Variants in KLC3 observed in about 807,000 individuals in gnomAD.
The protein encoded by KLC3 is kinesin light chain 2.
A neutral mutation model predicts 62.9 loss-of-function variants in KLC3; 72 were observed. The observed-to-expected ratio is 1.15, with a 90% CI of 0.95 to 1.39. The LOEUF is 1.39. KLC3 is among the 40% of genes most tolerant of loss of function. The pLI, the probability that KLC3 is intolerant of heterozygous loss-of-function variation, is 0.00. For synonymous variants in KLC3, 377 were observed against 300.5 expected (o/e 1.25, Z -2.63); for missense variants, 848 against 691.6 (o/e 1.23, Z -2.54).
At chr19:45,342,678 A>G (rs1265508176) in intron 1 of KLC3, among the ~76,000 whole-genome samples, 1 of 152,100 alleles carries the variant, frequency 6.6e-6, no homozygotes, top group Non-Finnish European at 1.5e-5. Flanking sequence ...AGGGAGGAGA[A>G]TCGCTTGAAC....
rs1333370016 is a variant in KLC3 at position 45,350,043 on chromosome 19, A to C, written c.1144-298A>C. ...AGGAGGCTGCCTGTCCTCCATCCCC[A>C]GGGCAGGAAGTAAGGCCGAGCTCCA... is the stretch of plus-strand genomic sequence containing the variant. On this transcript the variant is annotated intron_variant, in intron 8 of 12. Coordinates refer to ENST00000391946, the MANE Select transcript of KLC3 (RefSeq NM_177417.3). 4 of 460,922 alleles carry C rather than the reference A, an allele frequency of 8.7e-6. No homozygotes were observed. In the Admixed American group the frequency reaches 1.6e-4, roughly 18 times the overall value. 28.6% of individuals were successfully genotyped at this position (460,922 alleles called of 1,614,324 possible).
intron 2 of KLC3, 98 bp downstream of exon 2, chr19:45,345,897 G>GT: frequency 2.3e-6 from 3 of 1,331,240 alleles, no homozygotes; most frequent in South Asian, 1.5e-5. Context: ...CTGGGAGAGG[G>GT]TTCACTATTG....
In KLC3 at chr19:45,348,743, G is replaced by A; in HGVS notation, c.867+10G>A. 2.5e-6 allele frequency: 4 copies of A among 1,576,656 alleles called. No homozygotes were observed. Among genetic ancestry groups the A allele is most frequent in the Non-Finnish European group, 3.4e-6 (4 of 1,161,194 alleles). On this transcript the variant is annotated intron_variant, in intron 6 of 12. Coordinates refer to ENST00000391946, the MANE Select transcript of KLC3 (RefSeq NM_177417.3). ...CCCTGAGCACCCCGCGGTGAGTGGG[G>A]CCCCAGGGAGACGAAGTGGGGTCAA...
rs771479406 is a variant in KLC3, at chr19:45,350,665, T to C, written c.1297T>C (p.Ser433Pro). Residue 433 changes from serine (S) to proline (P), a missense_variant, in exon 11 of 13, where the codon TCC (serine) becomes CCC (proline). Physicochemically the swap from Ser to Pro is moderately conservative, Grantham distance 74 (BLOSUM62 -1). Transcript: ENST00000391946. ...EQALRRSSSL[S>P]KIRESIRRGS... Reference sequence around the variant, plus strand: ...GGCCCTTCGCCGCAGCAGCTCACTCTCCAAGATCCGTGAGTCTATCAGGCG... The same window carrying C: ...GGCCCTTCGCCGCAGCAGCTCACTCCCCAAGATCCGTGAGTCTATCAGGCG... The C allele has an allele frequency of 2.5e-6, 4 of 1,613,672 alleles. No homozygotes were observed. The highest frequency in any genetic ancestry group is 1.1e-5 in the South Asian group (1 of 91,032).
intron 1 of KLC3, among the ~76,000 whole-genome samples, chr19:45,341,578 T>C (rs12462541): frequency 0.44 from 61,220 of 140,178 alleles, 14,644 homozygotes; most frequent in African/African-American, 0.68. Flanking sequence ...TGTGTGTGTG[T>C]GCGCGCGCGC....
chr19:45,351,099 A>AGTGGTGGAGTCAGCAG, intron 12 of KLC3, 82 bp downstream of exon 12: 1 of 1,610,328 alleles, frequency 6.2e-7, no homozygotes, highest in Non-Finnish European at 8.5e-7. Context: ...CGGTCGGGCC[A>AGTGGTGGAGTCAGCAG]GTGGTGGAGT....
At chr19:45,347,196 G>A (rs1248570140) in intron 3 of KLC3, 4 of 490,200 alleles carry the variant, frequency 8.2e-6, no homozygotes, top group South Asian at 2.6e-5. Flanking sequence ...TACAAAATTA[G>A]CCGGGTGTGG....
intron 5 of KLC3, among the ~76,000 whole-genome samples, 189 bp downstream of exon 5, chr19:45,348,349 T>G (rs1338582024): frequency 6.6e-6 from 1 of 151,556 alleles, no homozygotes; most frequent in Non-Finnish European, 1.5e-5. Context: ...GGGACAGGGA[T>G]CTGGGGGGGC....
At chr19:45,344,552 T>C (rs755108677) in intron 1 of KLC3, among the ~76,000 whole-genome samples, 4 of 151,936 alleles carry the variant, frequency 2.6e-5, no homozygotes, top group Non-Finnish European at 4.4e-5. Context: ...AGAGTGCGTG[T>C]GTGTGTCAAA....
chr19:45,346,889 C>CCCAAGATCCTCCTTAGAAT, intron 3 of KLC3, 115 bp downstream of exon 3: 1 of 1,007,010 alleles, frequency 9.9e-7, no homozygotes. Context: ...TCCCACAGTC[C>CCCAAGATCCTCCTTAGAAT]CCCAGACCCT....
At position 45,346,662 on chromosome 19, in the gene KLC3, C is replaced by CT; in HGVS notation, c.377_378insT (p.Gln127AlafsTer40). Reference sequence around the variant, plus strand: ...TGGCTGCGGGAGGAACTGGAGGAGACGCAGCGGCGGCTTCGGGCCAGCGAG... The same window carrying CT: ...TGGCTGCGGGAGGAACTGGAGGAGACTGCAGCGGCGGCTTCGGGCCAGCGAG... On this transcript the variant is annotated frameshift_variant, in exon 3 of 13. Coordinates refer to ENST00000391946, the MANE Select transcript of KLC3 (RefSeq NM_177417.3). LOFTEE classifies it high-confidence loss of function. 6.4e-7 allele frequency: 1 copy of CT among 1,559,584 alleles called. No individual in the cohort carries two copies. Among genetic ancestry groups the CT allele is most frequent in the Non-Finnish European group, 8.7e-7 (1 of 1,152,746 alleles).
In KLC3 at chr19:45,350,494, TCCCCCATCTTTCCCCCTAGGTGC is replaced by T. The variant is rs1568527306; in HGVS notation, c.1235-15_1242del. The T allele has an allele frequency of 6.2e-7, 1 of 1,613,154 alleles. No individual in the cohort carries two copies. The highest frequency in any genetic ancestry group is 8.5e-7 in the Non-Finnish European group (1 of 1,179,638). Reference sequence around the variant, plus strand: ...GCTTCTCTATGTCCCCATCTCAGTGTCCCCCATCTTTCCCCCTAGGTGCCCCCAACACAGGCACAGCTGGTGAC... The same window carrying T: ...GCTTCTCTATGTCCCCATCTCAGTGTCCCCAACACAGGCACAGCTGGTGAC... On this transcript the variant is annotated splice_acceptor_variant and splice_polypyrimidine_tract_variant and coding_sequence_variant and intron_variant, in exon 10 of 13. Transcript: ENST00000391946. LOFTEE classifies it high-confidence loss of function.
intron 2 of KLC3, 101 bp from the exon 3 acceptor site, chr19:45,346,443 T>G: frequency 3.1e-6 from 3 of 964,950 alleles, no homozygotes; most frequent in Non-Finnish European, 4.5e-6. Flanking sequence ...GTGTCGTGCA[T>G]AGTAGTGGGG....
At chr19:45,350,025 T>G (rs376699540) in intron 8 of KLC3, 2 of 450,756 alleles carry the variant, frequency 4.4e-6, no homozygotes, top group East Asian at 3.9e-5. Flanking sequence ...AACAGGAGGC[T>G]GCCTGTCCTC....
At chr19:45,346,984 C>T (rs981875668) in intron 3 of KLC3, 2 of 537,456 alleles carry the variant, frequency 3.7e-6, no homozygotes, top group South Asian at 2.7e-5. Flanking sequence ...AGCTACTCCA[C>T]GAAGCCCCCG....
Position 45,351,104 on chromosome 19 carries a change from T to C in KLC3, c.1443+87T>C, listed in dbSNP as rs370985144. The C allele has an allele frequency of 8.7e-4, 1,393 of 1,609,062 alleles. 9 individuals carry two copies. Among genetic ancestry groups the C allele is most frequent in the South Asian group, 7.0e-3 (635 of 90,662 alleles). ...AAAGGCAGGGCGGTCGGGCCAGTGG[T>C]GGAGTCAGCAGGTGGTGGGTTGGTG... On this transcript the variant is annotated intron_variant, in intron 12 of 12. Transcript: ENST00000391946.
At chr19:45,350,460 C>T (rs372737825) in intron 9 of KLC3, 29 bp downstream of exon 9, 10 of 1,612,850 alleles carry the variant, frequency 6.2e-6, no homozygotes, top group East Asian at 2.2e-5. Flanking sequence ...TCTGTCTTCC[C>T]TCCTGGTGGC....
chr19:45,342,963 G>A (rs1466333335), intron 1 of KLC3, among the ~76,000 whole-genome samples: 1 of 152,196 alleles, frequency 6.6e-6, no homozygotes, highest in Non-Finnish European at 1.5e-5. Context: ...GCAGTGGCTT[G>A]AGTGAAGTGT....
At chr19:45,350,295 T>C (rs1362206560) in intron 8 of KLC3, 46 bp from the exon 9 acceptor site, 1 of 1,479,706 alleles carries the variant, frequency 6.8e-7, no homozygotes, top group Non-Finnish European at 9.3e-7. Context: ...GATGCAGTGT[T>C]GGGAACTGGG....
Sources: allele counts gnomAD v4.1 joint callset (sites outside exome capture counted in the v4.1 genomes callset), GRCh38; gene constraint gnomAD v4.1.1; transcripts MANE v1.5; gene names NCBI Gene and HGNC (gene_info 2026-07-23, HGNC 2026-07-21).